The following TULP4 variants were observed in gnomAD, a reference collection of about 807,000 sequenced individuals.
TULP4 encodes the protein TUB like protein 4.
Under a neutral mutation model 129.0 loss-of-function variants are expected in TULP4, and 16 were observed. That is an observed-to-expected ratio of 0.12 (90% CI 0.08 to 0.19). The LOEUF (loss-of-function observed/expected upper bound fraction) is 0.19. TULP4 is among the 10% of genes least tolerant of loss of function. The pLI is 1.00. For missense variants in TULP4, 1,842 were observed against 2,059.1 expected (o/e 0.89, Z 2.04); for synonymous variants, 998 against 854.0 (o/e 1.17, Z -2.94).
At chr6:158,273,838 A>G (rs1375082168) in intron 1 of TULP4, among the ~76,000 whole-genome samples, 1 of 152,232 alleles carries the variant, frequency 6.6e-6, no homozygotes, top group Non-Finnish European at 1.5e-5. Flanking sequence ...TAAGCATGTT[A>G]CAGATATTAA....
chr6:158,395,669 G>T (rs1464682925), intron 1 of TULP4, among the ~76,000 whole-genome samples: 1 of 17,274 alleles, frequency 5.8e-5, no homozygotes, highest in East Asian at 0.017. Flanking sequence ...AGTGATGGGC[G>T]GGGGGGGGGT....
At chr6:158,389,287 C>CA (rs1212383371) in intron 1 of TULP4, among the ~76,000 whole-genome samples, 3 of 152,116 alleles carry the variant, frequency 2.0e-5, no homozygotes, top group Non-Finnish European at 2.9e-5. Context: ...CCCTTCTCTA[C>CA]AAAAAATACA....
At chr6:158,445,334 A>G (rs903599145) in intron 3 of TULP4, among the ~76,000 whole-genome samples, 10 of 152,184 alleles carry the variant, frequency 6.6e-5, no homozygotes, top group Non-Finnish European at 1.2e-4. Flanking sequence ...AGAAATGTAC[A>G]TGATTCATCC....
intron 1 of TULP4, among the ~76,000 whole-genome samples, chr6:158,265,310 TG>T (rs1778427499): frequency 6.6e-6 from 1 of 152,168 alleles, no homozygotes; most frequent in Admixed American, 6.5e-5. Flanking sequence ...TTTTATTTTA[TG>T]ACAACTTTAC....
chr6:158,506,501 G>C (rs1582889608), intron 13 of TULP4, 77 bp from the exon 14 acceptor site: 3 of 948,190 alleles, frequency 3.2e-6, no homozygotes, highest in Non-Finnish European at 5.2e-6. Flanking sequence ...AAAGTGCTGG[G>C]ACTACAGGCG....
chr6:158,418,094 T>G (rs1778253194), intron 2 of TULP4, among the ~76,000 whole-genome samples: 1 of 146,948 alleles, frequency 6.8e-6, no homozygotes, highest in Non-Finnish European at 1.5e-5. Context: ...TTTTTGTGTG[T>G]GTGTGTTTTT....
chr6:158,491,073 A>G (rs1305071289), intron 9 of TULP4, among the ~76,000 whole-genome samples: 1 of 152,188 alleles, frequency 6.6e-6, no homozygotes, highest in Non-Finnish European at 1.5e-5. Context: ...GGTCAGATAC[A>G]TGTTAAAGTT....
chr6:158,496,417 T>A (rs1780339516), intron 11 of TULP4, among the ~76,000 whole-genome samples: 1 of 152,270 alleles, frequency 6.6e-6, no homozygotes. Context: ...TAAATAGTGC[T>A]GCATTTGAGT....
intron 1 of TULP4, among the ~76,000 whole-genome samples, chr6:158,290,767 T>C (rs565799252): frequency 0.014 from 1,583 of 115,302 alleles, 14 homozygotes; most frequent in Non-Finnish European, 0.022. Flanking sequence ...CTGGTCATCC[T>C]TGTTTGATCA....
intron 6 of TULP4, among the ~76,000 whole-genome samples, chr6:158,462,580 A>G (rs1462331527): frequency 2.7e-5 from 4 of 150,396 alleles, no homozygotes; most frequent in Non-Finnish European, 4.4e-5. Context: ...TCACCATGTT[A>G]GCCAGGATGG....
In TULP4 at chr6:158,366,618, A is replaced by G. The variant is rs533471283; in HGVS notation, c.253-46447A>G. On this transcript the variant is annotated intron_variant, in intron 1 of 13. Transcript: ENST00000367097. The stretch of plus-strand genomic sequence containing the variant: ...GCCTTTGGCCTCTTCCTGTTTCTGA[A>G]CAGTAGAGCTGTGGCCTCAGCCTTA... Among the ~76,000 whole-genome samples the G allele has an allele frequency of 8.5e-5, 13 of 152,216 alleles. No homozygotes were observed. The South Asian group carries it at 2.5e-3, about 29-fold the overall frequency.
chr6:158,468,005 C>T (rs142178081), intron 6 of TULP4, among the ~76,000 whole-genome samples: 3 of 152,328 alleles, frequency 2.0e-5, no homozygotes, highest in East Asian at 3.9e-4. Flanking sequence ...AGACCCCTGA[C>T]CCAGCAACGG....
intron 1 of TULP4, among the ~76,000 whole-genome samples, chr6:158,402,215 C>A (rs1178228402): frequency 6.6e-6 from 1 of 152,220 alleles, no homozygotes; most frequent in African/African-American, 2.4e-5. Flanking sequence ...CTTTTCCTGT[C>A]CTGGCATCCC....
chr6:158,504,906 A>G (rs1011033984), intron 13 of TULP4, among the ~76,000 whole-genome samples: 3 of 152,148 alleles, frequency 2.0e-5, no homozygotes, highest in Admixed American at 6.5e-5. Flanking sequence ...CACCCTATGC[A>G]CACACACACA....
At chr6:158,238,110 A>C (rs1413881281) in intron 1 of TULP4, 9 of 732,274 alleles carry the variant, frequency 1.2e-5, no homozygotes, top group Non-Finnish European at 2.0e-5. Flanking sequence ...TAATGCAGAC[A>C]CCATGCCTGG....
At chr6:158,461,475 T>G (rs1779425700) in intron 5 of TULP4, 88 bp from the exon 6 acceptor site, 1 of 1,337,380 alleles carries the variant, frequency 7.5e-7, no homozygotes, top group African/African-American at 1.5e-5. Context: ...GTGTCTGTAT[T>G]TTTTAAACTA....
At position 158,396,301 on chromosome 6, in the gene TULP4, G is replaced by T. The variant is rs1272728022; in HGVS notation, c.253-16764G>T. Among the ~76,000 whole-genome samples, 3 of 152,098 alleles carry T rather than the reference G, an allele frequency of 2.0e-5. No individual in the cohort carries two copies. The South Asian group carries it at 6.2e-4, about 32-fold the overall frequency. ...CTTTTTTGTCCTGCTCTCTTTGTCA[G>T]CTTGTCACTTGCATTCTCTCGGCTA... On this transcript the variant is annotated intron_variant, in intron 1 of 13. Transcript: ENST00000367097.
At chr6:158,300,489 A>C (rs1236776823) in intron 1 of TULP4, among the ~76,000 whole-genome samples, 1 of 152,218 alleles carries the variant, frequency 6.6e-6, no homozygotes, top group Non-Finnish European at 1.5e-5. Context: ...CTGTTCCGCC[A>C]CAGCTTGTCC....
intron 1 of TULP4, among the ~76,000 whole-genome samples, chr6:158,334,475 T>A (rs562630069): frequency 6.6e-6 from 1 of 152,242 alleles, no homozygotes; most frequent in Non-Finnish European, 1.5e-5. Flanking sequence ...ACAAAATACA[T>A]GTTAATTTAC....
Sources: allele counts gnomAD v4.1 joint callset (sites outside exome capture counted in the v4.1 genomes callset), GRCh38; gene constraint gnomAD v4.1.1; transcripts MANE v1.5; gene names NCBI Gene and HGNC (gene_info 2026-07-23, HGNC 2026-07-21).